Variants in CACNA2D3 observed in about 807,000 individuals in gnomAD.
The protein encoded by CACNA2D3 is voltage-dependent calcium channel subunit alpha-2/delta-3.
Under a neutral mutation model 160.6 loss-of-function variants are expected in CACNA2D3, and 60 were observed. The ratio of observed to expected loss-of-function variants is 0.37; its 90% CI spans 0.30 to 0.46. The LOEUF (loss-of-function observed/expected upper bound fraction) is 0.46. Among genes scored for constraint, CACNA2D3 ranks in the 20% least tolerant of loss-of-function variants. The pLI is 1.00. For missense variants in CACNA2D3, 1,205 were observed against 1,365.0 expected, an observed-to-expected ratio of 0.88 and a Z score of 1.85; for synonymous variants, 558 against 492.9, an observed-to-expected ratio of 1.13 and a Z score of -1.75.
At chr3:55,072,771 G>A (rs1261181264) in intron 35 of CACNA2D3, among the ~76,000 whole-genome samples, 7 of 152,196 alleles carry the variant, frequency 4.6e-5, no homozygotes, top group Non-Finnish European at 2.9e-5. Flanking sequence ...TGGGCAATGT[G>A]AGAAGGAGGC....
At chr3:55,053,649 C>A (rs1704288193) in intron 35 of CACNA2D3, among the ~76,000 whole-genome samples, 1 of 151,984 alleles carries the variant, frequency 6.6e-6, no homozygotes, top group East Asian at 1.9e-4. Flanking sequence ...TGCATCCTTT[C>A]TAAGCTTCCT....
At chr3:54,687,121 C>CTTTTCTTTT (rs1700464500) in intron 11 of CACNA2D3, among the ~76,000 whole-genome samples, 1 of 94,934 alleles carries the variant, frequency 1.1e-5, no homozygotes, top group Admixed American at 1.4e-4. Flanking sequence ...TTTTCTTTTT[C>CTTTTCTTTT]TTTTTTTTTT....
At chr3:54,272,818 G>A (rs183092999) in intron 2 of CACNA2D3, 1 of 152,360 alleles carries the variant, frequency 6.6e-6, no homozygotes, top group African/African-American at 2.4e-5. Context: ...AAGACCTCTG[G>A]TGTTTCCAGT....
chr3:54,911,351 CTTTTTTTTT>C (rs58289082), intron 27 of CACNA2D3, among the ~76,000 whole-genome samples: 1 of 58,586 alleles, frequency 1.7e-5, no homozygotes, highest in African/African-American at 8.8e-5. Context: ...TCTTTGTCGT[CTTTTTTTTT>C]TTTTTTTTTT....
chr3:54,955,670 A>G (rs1701869603), intron 27 of CACNA2D3, among the ~76,000 whole-genome samples: 1 of 152,148 alleles, frequency 6.6e-6, no homozygotes, highest in African/African-American at 2.4e-5. Flanking sequence ...AGAAATGTGT[A>G]AATTGAGGGA....
chr3:54,401,937 T>G (rs557326994), intron 4 of CACNA2D3, among the ~76,000 whole-genome samples: 204 of 152,254 alleles, frequency 1.3e-3, no homozygotes, highest in Non-Finnish European at 2.2e-3. Context: ...ATAGCTACCA[T>G]TAATTAAGAA....
intron 4 of CACNA2D3, among the ~76,000 whole-genome samples, chr3:54,414,968 C>T (rs934933496): frequency 7.9e-5 from 12 of 152,044 alleles, no homozygotes; most frequent in South Asian, 6.2e-4. Context: ...TCTGAAGTTT[C>T]GTTTTATTGT....
chr3:54,976,348 GGA>G (rs926533521), intron 29 of CACNA2D3, among the ~76,000 whole-genome samples: 3 of 145,142 alleles, frequency 2.1e-5, no homozygotes, highest in African/African-American at 2.5e-5. Context: ...GGGGGAGGGG[GGA>G]GAGATAGCAT....
At chr3:54,904,672 C>T (rs982081759) in intron 27 of CACNA2D3, among the ~76,000 whole-genome samples, 2 of 152,086 alleles carry the variant, frequency 1.3e-5, no homozygotes, top group Non-Finnish European at 2.9e-5. Flanking sequence ...ATTCCCAGTG[C>T]CAAGTACAAG....
intron 4 of CACNA2D3, among the ~76,000 whole-genome samples, chr3:54,434,463 C>T (rs9876334): frequency 6.6e-6 from 1 of 152,178 alleles, no homozygotes; most frequent in Non-Finnish European, 1.5e-5. Context: ...TCAGTGGGAC[C>T]CATCTGGCAT....
intron 9 of CACNA2D3, among the ~76,000 whole-genome samples, chr3:54,622,418 G>C (rs940555652): frequency 6.6e-6 from 1 of 152,122 alleles, no homozygotes; most frequent in African/African-American, 2.4e-5. Context: ...TGGGACTACA[G>C]GCGCCCGCCA....
At chr3:54,165,136 TCAAA>T (rs1159957763) in intron 2 of CACNA2D3, among the ~76,000 whole-genome samples, 4 of 141,180 alleles carry the variant, frequency 2.8e-5, no homozygotes, top group East Asian at 2.0e-4. Flanking sequence ...TTTTTTTTTG[TCAAA>T]CAAGATGAAT....
At chr3:54,139,699 A>G (rs549415527) in intron 2 of CACNA2D3, among the ~76,000 whole-genome samples, 1 of 152,328 alleles carries the variant, frequency 6.6e-6, no homozygotes, top group African/African-American at 2.4e-5. Context: ...CCTCCCTTGA[A>G]TGTTGACTTA....
At chr3:54,861,722 G>A (rs1164474379) in intron 17 of CACNA2D3, among the ~76,000 whole-genome samples, 1 of 152,222 alleles carries the variant, frequency 6.6e-6, no homozygotes, top group Non-Finnish European at 1.5e-5. Flanking sequence ...ATTCCAAGAG[G>A]CATTTAGAAG....
At chr3:54,707,600 T>C (rs1237877559) in intron 11 of CACNA2D3, among the ~76,000 whole-genome samples, 2 of 152,212 alleles carry the variant, frequency 1.3e-5, no homozygotes, top group Non-Finnish European at 2.9e-5. Context: ...TGTGGAATTT[T>C]CTTTGTAGTC....
At chr3:55,065,419 G>A (rs757196226) in intron 35 of CACNA2D3, among the ~76,000 whole-genome samples, 3 of 152,150 alleles carry the variant, frequency 2.0e-5, no homozygotes, top group Non-Finnish European at 4.4e-5. Context: ...CTTAGAAAAC[G>A]GGCCTGCCTT....
chr3:54,851,268 A>T (rs1699052091), intron 17 of CACNA2D3, among the ~76,000 whole-genome samples: 1 of 152,184 alleles, frequency 6.6e-6, no homozygotes, highest in Non-Finnish European at 1.5e-5. Flanking sequence ...TAAGGAAAGG[A>T]TGAAGGGGAG....
intron 35 of CACNA2D3, among the ~76,000 whole-genome samples, chr3:55,061,300 A>C (rs73845264): frequency 0.021 from 3,235 of 152,328 alleles, 117 homozygotes; most frequent in African/African-American, 0.073. Context: ...CATTTCCCAC[A>C]CTGGTGAAAC....
At chr3:54,511,051 A>T (rs535624711) in intron 5 of CACNA2D3, among the ~76,000 whole-genome samples, 28 of 152,166 alleles carry the variant, frequency 1.8e-4, no homozygotes, top group African/African-American at 6.5e-4. Context: ...CTTCCTGGTC[A>T]TGCTAGATCC....
Sources: allele counts gnomAD v4.1 joint callset (sites outside exome capture counted in the v4.1 genomes callset), GRCh38; gene constraint gnomAD v4.1.1; transcripts MANE v1.5; gene names NCBI Gene and HGNC (gene_info 2026-07-23, HGNC 2026-07-21).